The following SPECC1 variants were observed in gnomAD, a reference collection of about 807,000 sequenced individuals.
SPECC1 encodes the protein cytospin-B.
A neutral mutation model predicts 104.1 loss-of-function variants in SPECC1; 62 were observed. That is an observed-to-expected ratio of 0.60 (90% CI 0.49 to 0.74). The LOEUF (loss-of-function observed/expected upper bound fraction) is 0.74, where lower values mean the gene tolerates loss of function less well. Ranked by LOEUF, SPECC1 falls within the 30% of genes least tolerant of loss-of-function variation. SPECC1 has a pLI of 0.00. For missense variants in SPECC1, 1,306 were observed against 1,310.5 expected (o/e 1.00, Z 0.05); for synonymous variants, 513 against 501.6 (o/e 1.02, Z -0.30).
intron 3 of SPECC1, among the ~76,000 whole-genome samples, chr17:20,158,058 C>T (rs1597840723): frequency 6.6e-6 from 1 of 152,172 alleles, no homozygotes; most frequent in South Asian, 2.1e-4. Flanking sequence ...CTGTAGAGTT[C>T]ATCACTGAGA....
At chr17:20,216,144 C>T (rs1040113509) in intron 4 of SPECC1, among the ~76,000 whole-genome samples, 6 of 152,130 alleles carry the variant, frequency 3.9e-5, no homozygotes, top group African/African-American at 9.7e-5. Context: ...TGAGACCAAA[C>T]CCTACCCTTG....
intron 12 of SPECC1, among the ~76,000 whole-genome samples, chr17:20,274,511 T>C (rs1364927060): frequency 2.1e-5 from 3 of 146,132 alleles, no homozygotes; most frequent in Non-Finnish European, 4.6e-5. Context: ...TTTTTTCTTT[T>C]TTTTTTTTTT....
Position 20,180,026 on chromosome 17 carries a change from A to T in SPECC1, c.284-24307A>T, listed in dbSNP as rs184649002. Among the ~76,000 whole-genome samples the T allele has an allele frequency of 1.4e-3, 206 of 152,220 alleles. 1 individual carries two copies. The highest frequency in any genetic ancestry group is 4.8e-3 in the African/African-American group (198 of 41,532). On this transcript the variant is annotated intron_variant, in intron 3 of 14. Transcript: ENST00000395527. Reference sequence around the variant, plus strand: ...AAAATTTCATCTTTGTTGGTGTGGGACTGGGGGGCATGGTTATTTAGTTTG... The same window carrying T: ...AAAATTTCATCTTTGTTGGTGTGGGTCTGGGGGGCATGGTTATTTAGTTTG...
intron 3 of SPECC1, among the ~76,000 whole-genome samples, chr17:20,177,947 A>G (rs1016535697): frequency 7.2e-5 from 11 of 151,978 alleles, no homozygotes; most frequent in Non-Finnish European, 1.6e-4. Context: ...TGACCTCGTG[A>G]TCCGCCTGCC....
chr17:20,298,333 A>G (rs1266398892), intron 13 of SPECC1, among the ~76,000 whole-genome samples: 1 of 152,112 alleles, frequency 6.6e-6, no homozygotes, highest in Non-Finnish European at 1.5e-5. Flanking sequence ...GACTCCTCAA[A>G]AAAAAAAAGA....
At chr17:20,034,005 C>T (rs892572417) in intron 1 of SPECC1, among the ~76,000 whole-genome samples, 1 of 152,184 alleles carries the variant, frequency 6.6e-6, no homozygotes, top group Non-Finnish European at 1.5e-5. Flanking sequence ...CTCTATTTAA[C>T]AATGCCATGG....
At chr17:20,051,683 A>G (rs1191844376) in intron 1 of SPECC1, among the ~76,000 whole-genome samples, 1 of 152,162 alleles carries the variant, frequency 6.6e-6, no homozygotes, top group Non-Finnish European at 1.5e-5. Flanking sequence ...GCAGACAAGG[A>G]TCTTGCTTTT....
At chr17:20,024,384 GTC>G (rs2044517884) in intron 1 of SPECC1, among the ~76,000 whole-genome samples, 1 of 152,090 alleles carries the variant, frequency 6.6e-6, no homozygotes, top group Non-Finnish European at 1.5e-5. Context: ...TTCTCTTCTA[GTC>G]CAGTAATTCT....
At chr17:20,310,815 G>A (rs1445035066) in intron 14 of SPECC1, among the ~76,000 whole-genome samples, 2 of 152,178 alleles carry the variant, frequency 1.3e-5, no homozygotes, top group Non-Finnish European at 2.9e-5. Flanking sequence ...AATGAGCTGT[G>A]CTTAAATAGC....
At chr17:20,207,327 T>A (rs1401891064) in intron 4 of SPECC1, among the ~76,000 whole-genome samples, 2 of 152,230 alleles carry the variant, frequency 1.3e-5, no homozygotes, top group Admixed American at 6.5e-5. Flanking sequence ...TTGTCTGTAT[T>A]CTAAATTTGT....
At chr17:20,258,905 T>C (rs1273432379) in intron 11 of SPECC1, among the ~76,000 whole-genome samples, 1 of 152,268 alleles carries the variant, frequency 6.6e-6, no homozygotes, top group South Asian at 2.1e-4. Context: ...TACATGCCAT[T>C]GTCTCCATTT....
At chr17:20,208,771 G>A (rs1017220025) in intron 4 of SPECC1, among the ~76,000 whole-genome samples, 19 of 152,160 alleles carry the variant, frequency 1.2e-4, no homozygotes, top group African/African-American at 4.6e-4. Flanking sequence ...CTTTTATTAT[G>A]TTATGCAAGT....
chr17:20,306,090 T>C lies in SPECC1; in HGVS notation c.3117+8T>C. The C allele has an allele frequency of 1.9e-6, 3 of 1,612,608 alleles. No homozygotes were observed. Among genetic ancestry groups the C allele is most frequent in the South Asian group, 2.2e-5 (2 of 90,862 alleles). On this transcript the variant is annotated splice_region_variant and intron_variant, in intron 14 of 14. Coordinates refer to ENST00000395527, the MANE Select transcript of SPECC1 (RefSeq NM_001243439.2). ...GGCATCAAACCCAGCCTGGTACGTA[T>C]CCTATTTTGTATCCTTGTGATACTT...
intron 4 of SPECC1, among the ~76,000 whole-genome samples, chr17:20,225,673 C>A (rs1208227701): frequency 6.6e-6 from 1 of 152,146 alleles, no homozygotes; most frequent in East Asian, 1.9e-4. Flanking sequence ...GACGGTCTTT[C>A]CTCCCCTCTC....
At chr17:20,035,459 A>C (rs1027524923) in intron 1 of SPECC1, among the ~76,000 whole-genome samples, 1 of 152,006 alleles carries the variant, frequency 6.6e-6, no homozygotes, top group Non-Finnish European at 1.5e-5. Flanking sequence ...GATTTCTTTT[A>C]TCAGCGTTTT....
chr17:20,170,661 C>T lies in SPECC1; in HGVS notation c.284-33672C>T, dbSNP rs116152848. 3.7e-3 allele frequency among the ~76,000 whole-genome samples: 564 copies of T among 152,282 alleles called. 3 individuals are homozygous for T. The highest frequency in any genetic ancestry group is 0.012 in the African/African-American group (489 of 41,550). On this transcript the variant is annotated intron_variant, in intron 3 of 14. Coordinates refer to ENST00000395527, the MANE Select transcript of SPECC1 (RefSeq NM_001243439.2). ...TTTGTAAATACTCTTTTACCAATATCATTCTTTCTCTGTTATTTTTCCTTT... is the reference window on the plus strand; with the variant it reads ...TTTGTAAATACTCTTTTACCAATATTATTCTTTCTCTGTTATTTTTCCTTT...
At position 20,204,662 on chromosome 17, in the gene SPECC1, A is replaced by G. The variant is rs1316024669; in HGVS notation, c.613A>G (p.Thr205Ala). 6.2e-7 allele frequency: 1 copy of G among 1,613,882 alleles called. No homozygotes were observed. Among genetic ancestry groups the G allele is most frequent in the Non-Finnish European group, 8.5e-7 (1 of 1,180,012 alleles). The part of the protein sequence containing the change: ...KEKRTLNAEG[T>A]DALGPNVDGT... The stretch of plus-strand genomic sequence containing the variant: ...GAAAAGGACTCTGAACGCTGAGGGG[A>G]CTGATGCTTTGGGCCCAAATGTCGA... The change falls in exon 4 of 15, where the codon ACT becomes GCT. Residue 205 changes from threonine to alanine, a missense_variant. Around this residue, in one of 2 missense-constraint regions of SPECC1, gnomAD observed 1,177 missense variants for 1,139.9 expected, o/e 1.03. Coordinates refer to ENST00000395527, the MANE Select transcript of SPECC1 (RefSeq NM_001243439.2).
intron 1 of SPECC1, among the ~76,000 whole-genome samples, chr17:20,022,095 C>T (rs1261599079): frequency 6.6e-6 from 1 of 151,600 alleles, no homozygotes; most frequent in Non-Finnish European, 1.5e-5. Context: ...GTGCCCACCA[C>T]TACGCCTGGC....
At chr17:20,242,669 C>T (rs1388900759) in intron 7 of SPECC1, among the ~76,000 whole-genome samples, 6 of 152,180 alleles carry the variant, frequency 3.9e-5, no homozygotes, top group Non-Finnish European at 7.3e-5. Context: ...TTGTATATCT[C>T]TCACAGAACA....
Sources: gnomAD v4.1 joint callset for allele counts (sites outside exome capture counted in the v4.1 genomes callset) on GRCh38, gnomAD v4.1.1 for gene constraint, gnomAD v4.1.1 regional missense constraint, MANE v1.5 for transcripts, NCBI Gene and HGNC (gene_info 2026-07-23, HGNC 2026-07-21) for gene names.